ACTN1: variants seen among roughly 807,000 people sequenced by gnomAD.
ACTN1 encodes the protein actinin alpha 1, also known as alpha-actinin-1.
Under a neutral mutation model 119.6 loss-of-function variants are expected in ACTN1, and 30 were observed. The ratio of observed to expected loss-of-function variants is 0.25; its 90% CI spans 0.19 to 0.34. The LOEUF is 0.34. ACTN1 is among the 10% of genes least tolerant of loss of function. The probability of loss-of-function intolerance (pLI) is 1.00; values close to 1 mark genes in which losing one functional copy is unlikely to be tolerated. For missense variants in ACTN1, 764 were observed against 1,223.4 expected, an observed-to-expected ratio of 0.62 and a Z score of 5.60; for synonymous variants, 429 against 472.6, an observed-to-expected ratio of 0.91 and a Z score of 1.20.
At chr14:68,941,464 A>G (rs1291924061) in intron 1 of ACTN1, among the ~76,000 whole-genome samples, 1 of 152,150 alleles carries the variant, frequency 6.6e-6, no homozygotes, top group Admixed American at 6.5e-5. Context: ...CTAAGAACGG[A>G]TTTGGGCACA....
In ACTN1 at chr14:68,874,971, T is replaced by G. The variant is rs367686061; in HGVS notation, c.2633A>C (p.Gln878Pro). Reference protein sequence around the residue: ...DELRRELPPDQAEYCIARMAP... With the variant: ...DELRRELPPDPAEYCIARMAP... Reference sequence around the variant, plus strand: ...CATCCGCGCGATGCAGTACTCAGCCTGGTCGGGTGGCAGCTCGCGGCGCAG... The same window carrying G: ...CATCCGCGCGATGCAGTACTCAGCCGGGTCGGGTGGCAGCTCGCGGCGCAG... The change falls in exon 22 of 22, where the codon CAG becomes CCG. Residue 878 changes from glutamine to proline, a missense_variant. By Grantham distance (76) the Gln-to-Pro change is moderately conservative (BLOSUM62 -1). This residue lies in a region of ACTN1 where 102 missense variants were observed against 78.2 expected (regional missense o/e 1.30). Transcript: ENST00000394419. The G allele has an allele frequency of 6.2e-7, 1 of 1,613,712 alleles. No individual in the cohort carries two copies. Among genetic ancestry groups the G allele is most frequent in the Non-Finnish European group, 8.5e-7 (1 of 1,180,006 alleles).
At chr14:68,957,656 C>T (rs931948754) in intron 1 of ACTN1, among the ~76,000 whole-genome samples, 3 of 152,170 alleles carry the variant, frequency 2.0e-5, no homozygotes, top group Non-Finnish European at 4.4e-5. Flanking sequence ...GATGGTGGAG[C>T]TACCCAGTAA....
chr14:68,960,076 C>T (rs1158139869), intron 1 of ACTN1, among the ~76,000 whole-genome samples: 1 of 152,024 alleles, frequency 6.6e-6, no homozygotes, highest in Non-Finnish European at 1.5e-5. Flanking sequence ...GGAAGTGGAT[C>T]ATCATGAAAG....
chr14:68,959,895 TAGCCCAGTGTTGACTATA>T (rs2036471094), intron 1 of ACTN1, among the ~76,000 whole-genome samples: 1 of 152,242 alleles, frequency 6.6e-6, no homozygotes, highest in African/African-American at 2.4e-5. Context: ...TTAACTGTTG[TAGCCCAGTGTTGACTATA>T]AGCCTTACCT....
intron 1 of ACTN1, among the ~76,000 whole-genome samples, chr14:68,945,163 CAAAAAAA>C (rs11408138): frequency 1.7e-5 from 2 of 120,102 alleles, no homozygotes; most frequent in African/African-American, 3.2e-5. Context: ...GACTCCGGTT[CAAAAAAA>C]AAAAAAAGAA....
At chr14:68,935,386 C>CTT (rs2035444073) in intron 1 of ACTN1, among the ~76,000 whole-genome samples, 2 of 81,672 alleles carry the variant, frequency 2.4e-5, no homozygotes, top group African/African-American at 1.1e-4. Flanking sequence ...GCTCTCTGTT[C>CTT]ATTTTTTTTT....
intron 14 of ACTN1, 128 bp from the exon 15 acceptor site, chr14:68,883,183 G>A: frequency 9.8e-7 from 1 of 1,025,414 alleles, no homozygotes. Flanking sequence ...GATTCTTGTG[G>A]CTGAGAACCA....
chr14:68,976,180 T>C (rs1419165196), intron 1 of ACTN1, among the ~76,000 whole-genome samples: 2 of 152,172 alleles, frequency 1.3e-5, no homozygotes, highest in Non-Finnish European at 2.9e-5. Context: ...GTCTCAGAAA[T>C]AGCTATGGCT....
intron 1 of ACTN1, among the ~76,000 whole-genome samples, chr14:68,933,157 T>G (rs1357575699): frequency 6.6e-6 from 1 of 152,054 alleles, no homozygotes; most frequent in Non-Finnish European, 1.5e-5. Flanking sequence ...TTATTTGCGA[T>G]GTATCTCGCT....
In ACTN1 at chr14:68,890,357, C is replaced by G. The variant is rs1045304176; in HGVS notation, c.1087-71G>C. 7 of 1,554,038 alleles carry G rather than the reference C, an allele frequency of 4.5e-6. No homozygotes were observed. The East Asian group carries it at 9.1e-5, about 20-fold the overall frequency. ...GCTTCAGGTCCCCTAGCCCCCTAGA[C>G]CCCTGAAGGTGCCCCATGCCTTCCA... On this transcript the variant is annotated intron_variant, in intron 10 of 21. Coordinates refer to ENST00000394419, the MANE Select transcript of ACTN1 (RefSeq NM_001130004.2).
chr14:68,932,917 A>G (rs2035292862), intron 1 of ACTN1, among the ~76,000 whole-genome samples: 1 of 152,232 alleles, frequency 6.6e-6, no homozygotes, highest in East Asian at 1.9e-4. Context: ...AGACAAACAC[A>G]TATGCCACAG....
chr14:68,936,627 A>G, intron 1 of ACTN1: 1 of 598,740 alleles, frequency 1.7e-6, no homozygotes. Context: ...AAGCACCGAG[A>G]GTTCGTGGCA....
chr14:68,921,184 C>T, intron 2 of ACTN1, 59 bp from the exon 3 acceptor site: 5 of 1,594,994 alleles, frequency 3.1e-6, no homozygotes, highest in Non-Finnish European at 3.4e-6. Flanking sequence ...GGGGCCAGAG[C>T]TACTACCACT....
Position 68,929,470 on chromosome 14 carries a change from C to G in ACTN1, c.106-3798G>C, listed in dbSNP as rs981748945. Among the ~76,000 whole-genome samples, 4 of 152,240 alleles carry G rather than the reference C, an allele frequency of 2.6e-5. No individual in the cohort carries two copies. In the East Asian group the frequency reaches 5.8e-4, roughly 22 times the overall value. On this transcript the variant is annotated intron_variant, in intron 1 of 21. Transcript: ENST00000394419. Reference sequence around the variant, plus strand: ...TACAGGGCCATGTTACTGCTCAGCCCGATGAAGCCCTGCCCTATCTGGCCT... The same window carrying G: ...TACAGGGCCATGTTACTGCTCAGCCGGATGAAGCCCTGCCCTATCTGGCCT...
rs1042355394 is a variant in ACTN1, at chr14:68,925,027, G to C, written c.220+531C>G. Among the ~76,000 whole-genome samples the C allele has an allele frequency of 2.6e-5, 4 of 152,196 alleles. No individual in the cohort carries two copies. The highest frequency in any genetic ancestry group is 7.2e-5 in the African/African-American group (3 of 41,446). ...AGGCTCACCGGCATCAAGGTGAAGA[G>C]AGTAGCTAACATGGCCCAGTGTATC... On this transcript the variant is annotated intron_variant, in intron 2 of 21. Coordinates refer to ENST00000394419, the MANE Select transcript of ACTN1 (RefSeq NM_001130004.2). This position sits in a 1 kb window ranked among gnomAD's most constrained non-coding sequence, Gnocchi z 4.3.
chr14:68,930,713 T>C (rs1000556451), intron 1 of ACTN1, among the ~76,000 whole-genome samples: 5 of 152,202 alleles, frequency 3.3e-5, no homozygotes, highest in African/African-American at 1.2e-4. Context: ...TGGCTCTGCC[T>C]TAAGGCACCA....
chr14:68,956,738 C>G lies in ACTN1; in HGVS notation c.105+22214G>C, dbSNP rs565931963. On this transcript the variant is annotated intron_variant, in intron 1 of 21. Coordinates refer to ENST00000394419, the MANE Select transcript of ACTN1 (RefSeq NM_001130004.2). ...TGCATGACCCACCTCCAATCCTCAT[C>G]GCAAAGGAACCTCTCCTTCACAGAC... Among the ~76,000 whole-genome samples, 8 of 152,240 alleles carry G rather than the reference C, an allele frequency of 5.3e-5. No homozygotes were observed. In the East Asian group the frequency reaches 1.5e-3, roughly 29 times the overall value.
intron 21 of ACTN1, among the ~76,000 whole-genome samples, chr14:68,875,385 C>T (rs2030783144): frequency 6.6e-6 from 1 of 152,234 alleles, no homozygotes; most frequent in Non-Finnish European, 1.5e-5. Context: ...TGGGGAGACC[C>T]CACACGCACT....
intron 1 of ACTN1, among the ~76,000 whole-genome samples, chr14:68,969,676 G>A (rs961658524): frequency 1.3e-5 from 2 of 152,170 alleles, no homozygotes; most frequent in African/African-American, 4.8e-5. Flanking sequence ...AGAGGACCTC[G>A]GTGGAGGCTG....
Sources: allele counts gnomAD v4.1 joint callset (sites outside exome capture counted in the v4.1 genomes callset), GRCh38; gene constraint gnomAD v4.1.1; regional missense constraint gnomAD v4.1.1; non-coding constraint Gnocchi (gnomAD v3.1); transcripts MANE v1.5; gene names NCBI Gene and HGNC (gene_info 2026-07-23, HGNC 2026-07-21).